Variants in TBC1D14 observed in about 807,000 individuals in gnomAD.
The protein encoded by TBC1D14 is TBC1 domain family, member 14.
A neutral mutation model predicts 79.0 loss-of-function variants in TBC1D14; 26 were observed. That is an observed-to-expected ratio of 0.33 (90% CI 0.24 to 0.46). TBC1D14 has a LOEUF of 0.46. Ranked by LOEUF, TBC1D14 falls within the 20% of genes least tolerant of loss-of-function variation. The pLI is 1.00. For missense variants in TBC1D14, 769 were observed against 887.6 expected (o/e 0.87, Z 1.70); for synonymous variants, 394 against 349.9 (o/e 1.13, Z -1.40).
chr4:6,969,403 C>G (rs570640759), intron 3 of TBC1D14, among the ~76,000 whole-genome samples: 16 of 152,042 alleles, frequency 1.1e-4, no homozygotes, highest in South Asian at 6.3e-4. Context: ...TTTTAAGACC[C>G]TGTTTTTTTT....
chr4:6,959,744 A>G (rs1361553914), intron 2 of TBC1D14, among the ~76,000 whole-genome samples: 1 of 152,194 alleles, frequency 6.6e-6, no homozygotes, highest in Non-Finnish European at 1.5e-5. Flanking sequence ...TGGTACCAGC[A>G]GCGCATCACT....
intron 3 of TBC1D14, among the ~76,000 whole-genome samples, chr4:6,988,885 CTTTTTTTTT>C (rs34268749): frequency 2.1e-4 from 16 of 76,822 alleles, no homozygotes; most frequent in East Asian, 1.6e-3. Context: ...TTCTTTCTTT[CTTTTTTTTT>C]TTTTTTTTTT....
At chr4:6,935,850 G>T (rs1712268917) in intron 2 of TBC1D14, among the ~76,000 whole-genome samples, 3 of 152,076 alleles carry the variant, frequency 2.0e-5, no homozygotes, top group East Asian at 1.9e-4. Flanking sequence ...CACTGTGTTG[G>T]CCAGGCTGGT....
At chr4:6,911,195 T>A (rs1722958523) in intron 1 of TBC1D14, among the ~76,000 whole-genome samples, 1 of 152,174 alleles carries the variant, frequency 6.6e-6, no homozygotes, top group South Asian at 2.1e-4. Context: ...TTCTTTGCTG[T>A]GTGTTTGACC....
At chr4:6,913,528 G>A (rs180786341) in intron 1 of TBC1D14, among the ~76,000 whole-genome samples, 1 of 152,298 alleles carries the variant, frequency 6.6e-6, no homozygotes, top group African/African-American at 2.4e-5. Flanking sequence ...TTCTGTTGCT[G>A]TGTGACCTTG....
chr4:6,953,011 ATTTTTTTCTTTCTTTTTT>A (rs1244102700), intron 2 of TBC1D14, among the ~76,000 whole-genome samples: 1 of 98,996 alleles, frequency 1.0e-5, no homozygotes, highest in Admixed American at 1.1e-4. Flanking sequence ...CTAGCTAACT[ATTTTTTTCTTTCTTTTTT>A]TTTTTTTTTT....
intron 13 of TBC1D14, among the ~76,000 whole-genome samples, chr4:7,026,783 G>T (rs1222192803): frequency 6.6e-6 from 1 of 152,122 alleles, no homozygotes; most frequent in Non-Finnish European, 1.5e-5. Flanking sequence ...TGTAGTTCCA[G>T]CTGCTAGGGA....
intron 2 of TBC1D14, chr4:6,954,342 T>C (rs1234940839): frequency 2.8e-6 from 2 of 717,494 alleles, no homozygotes; most frequent in South Asian, 3.0e-5. Context: ...TGGACAGGTT[T>C]GTGGCTGCTT....
intron 12 of TBC1D14, among the ~76,000 whole-genome samples, chr4:7,021,515 T>G (rs1721832195): frequency 6.6e-6 from 1 of 152,176 alleles, no homozygotes; most frequent in Non-Finnish European, 1.5e-5. Context: ...GAGGGTCACC[T>G]GAGCCCAGGA....
chr4:6,934,726 T>A (rs911474532), intron 2 of TBC1D14, among the ~76,000 whole-genome samples: 3 of 152,098 alleles, frequency 2.0e-5, no homozygotes, highest in African/African-American at 7.2e-5. Flanking sequence ...CAGTGACCTT[T>A]GAGCAGAGCT....
rs372794265 is a variant in TBC1D14, at chr4:6,923,504, C to G, written c.115C>G (p.Arg39Gly). The G allele has an allele frequency of 2.4e-5, 38 of 1,614,014 alleles. No individual in the cohort carries two copies. Among genetic ancestry groups the G allele is most frequent in the Non-Finnish European group, 3.2e-5 (38 of 1,180,020 alleles). Reference sequence around the variant, plus strand: ...GCAACACGTCAATCTCAAGGCGCCCCGACTCCTCTCCGCGCCTGAGTACGG... The same window carrying G: ...GCAACACGTCAATCTCAAGGCGCCCGGACTCCTCTCCGCGCCTGAGTACGG... ...NLQHVNLKAP[R>G]LLSAPEYGPK... is the part of the protein sequence containing the mutation. The change falls in exon 2 of 14, where the codon CGA (arginine) becomes GGA (glycine). Residue 39 changes from arginine to glycine, a missense_variant. Physicochemically the swap from Arg to Gly is moderately radical, Grantham distance 125. Around this residue, in one of 2 missense-constraint regions of TBC1D14, gnomAD observed 402 missense variants for 393.2 expected, o/e 1.02. Coordinates refer to ENST00000409757, the MANE Select transcript of TBC1D14 (RefSeq NM_020773.3).
chr4:6,987,058 C>G (rs1404367467), intron 3 of TBC1D14: 4 of 698,340 alleles, frequency 5.7e-6, no homozygotes, highest in Non-Finnish European at 7.6e-6. Context: ...CCGGTGGGGC[C>G]GTACCACGGG....
At chr4:6,987,388 C>G in intron 3 of TBC1D14, 3 of 1,396,240 alleles carry the variant, frequency 2.1e-6, no homozygotes, top group South Asian at 1.5e-5. Context: ...CCCTGCGCCC[C>G]AGGCCTGCCC....
At chr4:7,003,527 C>A (rs1218085244) in intron 7 of TBC1D14, among the ~76,000 whole-genome samples, 2 of 152,244 alleles carry the variant, frequency 1.3e-5, no homozygotes, top group African/African-American at 4.8e-5. Context: ...TTTTGGATTA[C>A]ATTTTAATAA....
intron 3 of TBC1D14, among the ~76,000 whole-genome samples, chr4:6,978,428 T>C (rs1717025898): frequency 6.6e-6 from 1 of 150,410 alleles, no homozygotes; most frequent in African/African-American, 2.5e-5. Flanking sequence ...ATCCTGTTGA[T>C]CTGTGACCTT....
intron 2 of TBC1D14, among the ~76,000 whole-genome samples, chr4:6,959,591 A>AG (rs955690536): frequency 3.9e-5 from 6 of 152,168 alleles, no homozygotes; most frequent in Non-Finnish European, 2.9e-5. Flanking sequence ...AGTGGGAACA[A>AG]GGGGGGATCA....
chr4:6,955,631 C>G (rs1714561478), intron 2 of TBC1D14, among the ~76,000 whole-genome samples: 1 of 152,166 alleles, frequency 6.6e-6, no homozygotes, highest in African/African-American at 2.4e-5. Flanking sequence ...GTTAATGAGA[C>G]AAAGGAGGGA....
intron 2 of TBC1D14, among the ~76,000 whole-genome samples, chr4:6,929,750 C>T (rs1711555444): frequency 6.6e-6 from 1 of 152,192 alleles, no homozygotes; most frequent in Non-Finnish European, 1.5e-5. Context: ...AGCGGATGGG[C>T]TGCCTTGATG....
intron 6 of TBC1D14, 95 bp from the exon 7 acceptor site, chr4:7,001,050 G>A: frequency 2.1e-6 from 2 of 955,634 alleles, no homozygotes; most frequent in Admixed American, 2.0e-5. Context: ...ATGCAACGGT[G>A]CATCCCAGCT....
Sources: gnomAD v4.1 joint callset for allele counts (sites outside exome capture counted in the v4.1 genomes callset) on GRCh38, gnomAD v4.1.1 for gene constraint, gnomAD v4.1.1 regional missense constraint, MANE v1.5 for transcripts, NCBI Gene and HGNC (gene_info 2026-07-23, HGNC 2026-07-21) for gene names.